SUMF1: variants seen among roughly 807,000 people sequenced by gnomAD.
SUMF1 encodes sulfatase modifying factor 1, also known as formylglycine-generating enzyme.
A neutral mutation model predicts 47.6 loss-of-function variants in SUMF1; 48 were observed. That is an observed-to-expected ratio of 1.01 (90% CI 0.80 to 1.28). The LOEUF (loss-of-function observed/expected upper bound fraction) is 1.28, where lower values mean the gene tolerates loss of function less well. Among genes scored for constraint, SUMF1 ranks in the 50% most tolerant of loss-of-function variants. The pLI, the probability that SUMF1 is intolerant of heterozygous loss-of-function variation, is 0.00. For synonymous variants in SUMF1, 230 were observed against 192.1 expected, an observed-to-expected ratio of 1.20 and a Z score of -1.63; for missense variants, 571 against 485.4, an observed-to-expected ratio of 1.18 and a Z score of -1.66.
chr3:4,328,539 T>C (rs757264137), intron 8 of SUMF1, among the ~76,000 whole-genome samples: 1 of 152,078 alleles, frequency 6.6e-6, no homozygotes, highest in Non-Finnish European at 1.5e-5. Context: ...AATCATCAGA[T>C]CTCATGAGAC....
chr3:4,416,188 C>A (rs549802925), intron 6 of SUMF1, among the ~76,000 whole-genome samples: 47 of 152,206 alleles, frequency 3.1e-4, no homozygotes, highest in African/African-American at 1.1e-3. Context: ...ATATCTGAAA[C>A]TCTTACCCAG....
intron 8 of SUMF1, among the ~76,000 whole-genome samples, chr3:4,194,826 A>G (rs1338754648): frequency 2.0e-5 from 3 of 152,176 alleles, no homozygotes; most frequent in African/African-American, 7.2e-5. Flanking sequence ...ATAATACAGA[A>G]TTTCGAACAA....
chr3:4,202,304 T>A (rs544444608), intron 8 of SUMF1, among the ~76,000 whole-genome samples: 1 of 152,216 alleles, frequency 6.6e-6, no homozygotes, highest in South Asian at 2.1e-4. Context: ...AGGGGTCTCA[T>A]TTCATTTTTC....
intron 8 of SUMF1, among the ~76,000 whole-genome samples, chr3:4,227,517 A>T (rs1051756937): frequency 2.5e-4 from 38 of 152,096 alleles, no homozygotes; most frequent in African/African-American, 7.7e-4. Context: ...GGACTTCCTG[A>T]GTCACCCCTC....
intron 8 of SUMF1, among the ~76,000 whole-genome samples, chr3:4,108,425 T>G (rs575957853): frequency 1.1e-3 from 164 of 152,166 alleles, no homozygotes; most frequent in African/African-American, 2.0e-3. Flanking sequence ...GAGTTCTGTA[T>G]ATGTCTATTA....
In SUMF1 at chr3:4,182,021, T is replaced by G. The variant is rs144544352; in HGVS notation, c.1015-113276A>C. ...ATTTCATTGTTTGTTATAGTTCGAT[T>G]TGTAACTTCGAAATACAAGGCATAC... On this transcript the variant is annotated intron_variant and NMD_transcript_variant, in intron 8 of 12. Transcript: ENST00000448413. 4.1e-3 allele frequency among the ~76,000 whole-genome samples: 630 copies of G among 152,270 alleles called. 15 individuals carry two copies. Among genetic ancestry groups the G allele is most frequent in the Non-Finnish European group, 1.2e-3 (84 of 68,012 alleles).
intron 8 of SUMF1, among the ~76,000 whole-genome samples, chr3:4,127,727 CCTGA>C: frequency 1.3e-5 from 2 of 152,152 alleles, no homozygotes; most frequent in Middle Eastern, 3.4e-3. Context: ...CCTAGCAAAC[CCTGA>C]CTAACACAGA....
intron 8 of SUMF1, among the ~76,000 whole-genome samples, chr3:4,366,275 T>C (rs1268322208): frequency 1.3e-5 from 2 of 152,186 alleles, no homozygotes; most frequent in Admixed American, 6.5e-5. Flanking sequence ...CCTTGTTAGA[T>C]TGGGGAAGTT....
chr3:4,045,594 A>G (rs1022082897), intron 9 of SUMF1, among the ~76,000 whole-genome samples: 4 of 152,118 alleles, frequency 2.6e-5, no homozygotes, highest in African/African-American at 7.2e-5. Context: ...ACTAACTCAA[A>G]TCGAGCTAAC....
At chr3:4,215,394 G>A (rs2200395) in intron 8 of SUMF1, among the ~76,000 whole-genome samples, 1 of 151,592 alleles carries the variant, frequency 6.6e-6, no homozygotes, top group Non-Finnish European at 1.5e-5. Flanking sequence ...GGGATGCATC[G>A]CAAAATAATA....
intron 8 of SUMF1, among the ~76,000 whole-genome samples, chr3:4,130,917 A>T (rs1041917556): frequency 6.6e-6 from 1 of 152,106 alleles, no homozygotes; most frequent in African/African-American, 2.4e-5. Context: ...GACCCAACAG[A>T]TCCAATGGTG....
At chr3:4,152,904 T>A (rs988328517) in intron 8 of SUMF1, among the ~76,000 whole-genome samples, 2 of 151,502 alleles carry the variant, frequency 1.3e-5, no homozygotes, top group East Asian at 1.9e-4. Context: ...ACCTTATACA[T>A]CCCTAGTCTC....
intron 7 of SUMF1, among the ~76,000 whole-genome samples, chr3:4,404,587 G>A (rs985196150): frequency 1.3e-5 from 2 of 152,028 alleles, no homozygotes; most frequent in African/African-American, 4.8e-5. Context: ...GCGAAACCCC[G>A]TCTCGACTGA....
In SUMF1 at chr3:4,367,472, T is replaced by C. The variant is rs544033352; in HGVS notation, c.1015-5218A>G. Among the ~76,000 whole-genome samples the C allele has an allele frequency of 9.7e-3, 1,472 of 151,970 alleles. 16 individuals carry two copies. Among genetic ancestry groups the C allele is most frequent in the African/African-American group, 0.033 (1,371 of 41,446 alleles). ...GCTACCAATGACTTTCTTCACAGAA[T>C]TGGAAAAAACTACTTTAAAGTTCAT... On this transcript the variant is annotated intron_variant, in intron 8 of 8. Coordinates refer to ENST00000272902, the MANE Select transcript of SUMF1 (RefSeq NM_182760.4).
At chr3:4,261,468 T>C (rs187665419) in intron 8 of SUMF1, among the ~76,000 whole-genome samples, 35 of 152,350 alleles carry the variant, frequency 2.3e-4, no homozygotes, top group Admixed American at 3.3e-4. Context: ...ATTTGCTGTC[T>C]AGTTTGGAAT....
At chr3:4,316,214 T>C in intron 8 of SUMF1, 1 of 697,916 alleles carries the variant, frequency 1.4e-6, no homozygotes, top group Non-Finnish European at 2.6e-6. Context: ...TATTTTAGAC[T>C]ATGAAAATGA....
intron 8 of SUMF1, among the ~76,000 whole-genome samples, chr3:4,373,121 C>A (rs793939): frequency 0.62 from 94,791 of 151,860 alleles, 32,996 homozygotes; most frequent in East Asian, 0.78. Context: ...AAATCAACCA[C>A]TAAGATTATA....
At chr3:4,402,826 AT>A (rs1271145497) in intron 7 of SUMF1, among the ~76,000 whole-genome samples, 1 of 152,244 alleles carries the variant, frequency 6.6e-6, no homozygotes, top group Non-Finnish European at 1.5e-5. Flanking sequence ...TTTTAAAATC[AT>A]TTTGTAAAAA....
chr3:4,351,787 G>C lies in SUMF1; in HGVS notation c.1014+24543C>G, dbSNP rs368832883. Among the ~76,000 whole-genome samples, 44 of 152,300 alleles carry C rather than the reference G, an allele frequency of 2.9e-4. 5 individuals carry two copies. Among genetic ancestry groups the C allele is most frequent in the East Asian group, 2.1e-3 (11 of 5,188 alleles). On this transcript the variant is annotated intron_variant and NMD_transcript_variant, in intron 8 of 12. Coordinates refer to the SUMF1 transcript ENST00000448413. ...CCACATTGAGAATAATTTCTGCAGT[G>C]TGACTAAGCATCAACCCTTCAAGTT...
Sources: gnomAD v4.1 joint callset for allele counts (sites outside exome capture counted in the v4.1 genomes callset) on GRCh38, gnomAD v4.1.1 for gene constraint, MANE v1.5 for transcripts, NCBI Gene and HGNC (gene_info 2026-07-23, HGNC 2026-07-21) for gene names.